The following HPSE2 variants were observed in gnomAD, a reference collection of about 807,000 sequenced individuals.
HPSE2 encodes heparanase 2 (inactive), also known as inactive heparanase-2.
HPSE2 carries 38 observed loss-of-function variants against 60.5 expected under a neutral mutation model. The ratio of observed to expected loss-of-function variants is 0.63; its 90% CI spans 0.48 to 0.82. HPSE2 has a LOEUF of 0.82. Among genes scored for constraint, HPSE2 ranks in the 40% least tolerant of loss-of-function variants. The pLI is 0.00. For synonymous variants in HPSE2, 295 were observed against 293.2 expected (o/e 1.01, Z -0.06); for missense variants, 713 against 740.4 (o/e 0.96, Z 0.43).
At chr10:98,850,803 T>C (rs911563306) in intron 3 of HPSE2, among the ~76,000 whole-genome samples, 2 of 151,540 alleles carry the variant, frequency 1.3e-5, no homozygotes. Context: ...AAAGTGGATA[T>C]TGCTACAGTT....
chr10:98,541,710 T>C (rs1943468560), intron 9 of HPSE2, among the ~76,000 whole-genome samples: 1 of 152,186 alleles, frequency 6.6e-6, no homozygotes, highest in South Asian at 2.1e-4. Flanking sequence ...GGAGTCTTGC[T>C]GATTGCTAGC....
intron 3 of HPSE2, among the ~76,000 whole-genome samples, chr10:98,873,148 T>A (rs1291154667): frequency 6.6e-6 from 1 of 152,118 alleles, no homozygotes; most frequent in Non-Finnish European, 1.5e-5. Flanking sequence ...TGAATTGATT[T>A]CACATGGTTC....
intron 3 of HPSE2, among the ~76,000 whole-genome samples, chr10:98,851,043 G>A (rs1226492333): frequency 6.6e-6 from 1 of 152,220 alleles, no homozygotes. Flanking sequence ...CAATGCGAGT[G>A]AAACTAAACA....
chr10:98,782,918 T>A (rs1224731544), intron 3 of HPSE2, among the ~76,000 whole-genome samples: 3 of 43,836 alleles, frequency 6.8e-5, no homozygotes, highest in African/African-American at 2.4e-4. Context: ...GTTTATTTTT[T>A]TTTTTTTATT....
chr10:99,213,167 G>A (rs1010106269), intron 2 of HPSE2, among the ~76,000 whole-genome samples: 2 of 151,870 alleles, frequency 1.3e-5, no homozygotes, highest in African/African-American at 4.8e-5. Flanking sequence ...AAAAAACTGA[G>A]TCTCAAAATA....
At chr10:98,914,377 G>A (rs1389005077) in intron 3 of HPSE2, among the ~76,000 whole-genome samples, 1 of 151,976 alleles carries the variant, frequency 6.6e-6, no homozygotes, top group Non-Finnish European at 1.5e-5. Context: ...CCTCGGGTAT[G>A]TCTTTATTAG....
At chr10:99,159,854 T>C (rs1112536) in intron 2 of HPSE2, among the ~76,000 whole-genome samples, 77,480 of 152,048 alleles carry the variant, frequency 0.51, 21,539 homozygotes, top group East Asian at 0.65. Flanking sequence ...TAAAAGATAC[T>C]ATTAGGCCAG....
chr10:99,250,689 A>G, the HPSE2 span, among the ~76,000 whole-genome samples: 1 of 152,206 alleles, frequency 6.6e-6, no homozygotes. Context: ...ATAGAAATCA[A>G]TACCAAGAAG....
rs187076626 is a variant in HPSE2 at position 99,186,457 on chromosome 10, C to T, written c.449-42058G>A. Among the ~76,000 whole-genome samples the T allele has an allele frequency of 5.9e-5, 8 of 134,992 alleles. No homozygotes were observed. The East Asian group carries it at 1.7e-3, about 28-fold the overall frequency. The allele number at this position is 134,992 out of a possible 152,430, so 88.6% of individuals were successfully genotyped here. A position where few individuals can be genotyped will look rare whatever the true frequency, so the allele number is the denominator to read the frequency against. On this transcript the variant is annotated intron_variant, in intron 2 of 11. Transcript: ENST00000370552. The stretch of plus-strand genomic sequence containing the variant: ...ACTCAGGAGGCTGAGGTAGAAGAAT[C>T]GTTTGAACCCGAGAGGCGGAGGTTA...
intron 3 of HPSE2, among the ~76,000 whole-genome samples, chr10:98,854,448 C>T (rs1471585417): frequency 3.3e-5 from 5 of 152,180 alleles, no homozygotes; most frequent in Admixed American, 6.5e-5. Context: ...TCAAGGCCAA[C>T]TCATAACTTT....
intron 9 of HPSE2, among the ~76,000 whole-genome samples, chr10:98,513,356 G>T (rs1219296852): frequency 6.6e-6 from 1 of 152,198 alleles, no homozygotes. Flanking sequence ...GTTCCACGGA[G>T]CAGCCAGTGG....
chr10:98,699,033 T>G (rs928602770), intron 5 of HPSE2, among the ~76,000 whole-genome samples: 6 of 151,974 alleles, frequency 3.9e-5, no homozygotes, highest in Admixed American at 3.9e-4. Flanking sequence ...CAGGACCAGA[T>G]GGATTCACAG....
At chr10:98,856,274 G>A (rs1196400951) in intron 3 of HPSE2, among the ~76,000 whole-genome samples, 1 of 152,168 alleles carries the variant, frequency 6.6e-6, no homozygotes, top group Non-Finnish European at 1.5e-5. Context: ...ATATAATCTA[G>A]ATGTGAGAAC....
At chr10:99,056,573 G>C (rs1308052283) in intron 3 of HPSE2, among the ~76,000 whole-genome samples, 1 of 152,116 alleles carries the variant, frequency 6.6e-6, no homozygotes, top group East Asian at 1.9e-4. Context: ...AACAAATGTT[G>C]CTGGAACAAT....
chr10:99,195,411 A>C (rs1848361811), intron 2 of HPSE2, among the ~76,000 whole-genome samples: 1 of 152,100 alleles, frequency 6.6e-6, no homozygotes, highest in East Asian at 1.9e-4. Flanking sequence ...TTGGAAAAAA[A>C]AATCAAATTA....
intron 3 of HPSE2, among the ~76,000 whole-genome samples, chr10:98,887,496 G>T (rs1953198532): frequency 6.6e-6 from 1 of 152,054 alleles, no homozygotes; most frequent in African/African-American, 2.4e-5. Context: ...AAGCAAGAAG[G>T]GTATACAGAG....
chr10:98,960,726 AT>A lies in HPSE2; in HGVS notation c.610+183511del, dbSNP rs68091060. Among the ~76,000 whole-genome samples the A allele has an allele frequency of 2.1e-3, 211 of 102,562 alleles. 1 individual carries two copies. The highest frequency in any genetic ancestry group is 7.8e-3 in the African/African-American group (196 of 25,056). The allele number at this position is 102,562 out of a possible 152,430, so 67.3% of individuals were successfully genotyped here. On this transcript the variant is annotated intron_variant, in intron 3 of 11. Coordinates refer to ENST00000370552, the MANE Select transcript of HPSE2 (RefSeq NM_021828.5). ...CTTTTTTTTTTTTTTTTTTTGTTTT[AT>A]TTTTTTTATTTTATTTTTTTTTTTA...
intron 3 of HPSE2, among the ~76,000 whole-genome samples, chr10:99,026,830 G>A (rs1957388512): frequency 6.6e-6 from 1 of 152,068 alleles, no homozygotes; most frequent in South Asian, 2.1e-4. Context: ...TTTGGAAACT[G>A]TATAAATACA....
chr10:98,670,083 C>T (rs1288388005), intron 6 of HPSE2, among the ~76,000 whole-genome samples: 1 of 152,058 alleles, frequency 6.6e-6, no homozygotes, highest in Admixed American at 6.6e-5. Context: ...AAAGTGGGAG[C>T]GTCATTGTCA....
Sources: allele counts gnomAD v4.1 joint callset (sites outside exome capture counted in the v4.1 genomes callset), GRCh38; gene constraint gnomAD v4.1.1; transcripts MANE v1.5; gene names NCBI Gene and HGNC (gene_info 2026-07-23, HGNC 2026-07-21).